SGO1: variants seen among roughly 807,000 people sequenced by gnomAD.
SGO1 encodes serologically defined breast cancer antigen NY-BR-85.
SGO1 carries 39 observed loss-of-function variants against 50.5 expected under a neutral mutation model. The observed-to-expected ratio is 0.77, with a 90% CI of 0.60 to 1.01. The LOEUF is 1.01. Among genes scored for constraint, SGO1 ranks in the 50% least tolerant of loss-of-function variants. SGO1 has a pLI of 0.00. For missense variants in SGO1, 638 were observed against 606.0 expected, an observed-to-expected ratio of 1.05 and a Z score of -0.55; for synonymous variants, 191 against 205.1, an observed-to-expected ratio of 0.93 and a Z score of 0.59.
downstream of SGO1, among the ~76,000 whole-genome samples, chr3:20,168,249 A>G (rs898624500): frequency 6.6e-6 from 1 of 152,174 alleles, no homozygotes; most frequent in Non-Finnish European, 1.5e-5. Context: ...ATGATCTTTA[A>G]GGCAAAAGTA....
At chr3:20,162,594 C>T (rs1418518271) in intron 8 of SGO1, among the ~76,000 whole-genome samples, 1 of 151,818 alleles carries the variant, frequency 6.6e-6, no homozygotes, top group Non-Finnish European at 1.5e-5. Flanking sequence ...ATATACAAGG[C>T]AGGAAAGTAT....
chr3:20,175,017 C>G lies in SGO1; in HGVS notation c.514G>C (p.Asp172His), dbSNP rs769229657. 4 of 1,588,530 alleles carry G rather than the reference C, an allele frequency of 2.5e-6. No individual in the cohort carries two copies. The African/African-American group carries it at 5.4e-5, about 21-fold the overall frequency. ...GACTTAGCTTCACCTGAATCAAAAT[C>G]AACTCCCAGTGTGTCTTGAGGAATA... Reference protein sequence around the residue: ...PTIPQDTLGVDFDSGEAKSTD... With the variant: ...PTIPQDTLGVHFDSGEAKSTD... Residue 172 changes from aspartate (D) to histidine (H), a missense_variant, in exon 6 of 8, where the codon GAT becomes CAT. Physicochemically the swap from Asp to His is moderately conservative, Grantham distance 81. Transcript: ENST00000412997.
downstream of SGO1, among the ~76,000 whole-genome samples, chr3:20,165,065 T>G (rs2125231198): frequency 6.6e-6 from 1 of 152,328 alleles, no homozygotes; most frequent in African/African-American, 2.4e-5. Flanking sequence ...GCTGGATAAT[T>G]TATAAAGAAA....
rs1429900847 is a variant in SGO1, at chr3:20,185,961, T to A, written c.-21A>T. On this transcript the variant is annotated 5_prime_UTR_variant, in exon 1 of 8. Transcript: ENST00000412997. ...CTTGTTTCGCACCTTAAAACCTACT[T>A]CTTCCTCTTTCAGGGACTCCAGGAA... The A allele has an allele frequency of 6.6e-6, 1 of 152,164 alleles. No homozygotes were observed. Among genetic ancestry groups the A allele is most frequent in the Non-Finnish European group, 1.5e-5 (1 of 68,052 alleles). 9.4% of individuals were successfully genotyped at this position (152,164 alleles called of 1,614,324 possible). A position where few individuals can be genotyped will look rare whatever the true frequency, so the allele number is the denominator to read the frequency against.
Position 20,183,802 on chromosome 3 carries a change from T to G in SGO1, c.145A>C (p.Asn49His). 6.2e-7 allele frequency: 1 copy of G among 1,602,912 alleles called. No homozygotes were observed. The highest frequency in any genetic ancestry group is 8.5e-7 in the Non-Finnish European group (1 of 1,177,432). ...FIAAPCQIITNTSTLLKNYQD... is the reference protein window; with the variant it reads ...FIAAPCQIITHTSTLLKNYQD... The stretch of plus-strand genomic sequence containing the variant: ...TAATTTTTCAGCAGTGTAGAAGTGT[T>G]GGCTAAAAGAGGATAAAAAAATTTA... Residue 49 changes from asparagine (N) to histidine (H), a missense_variant and splice_region_variant, in exon 3 of 8, where the codon AAC becomes CAC. Coordinates refer to ENST00000412997, the MANE Select transcript of SGO1 (RefSeq NM_001199251.3).
exon 9 of SGO1, chr3:20,161,134 T>C (rs770256032): frequency 3.1e-6 from 5 of 1,613,772 alleles, no homozygotes; most frequent in Non-Finnish European, 3.4e-6. Context: ...GTTTCAAGTT[T>C]ACATTTCCTA....
In SGO1 at chr3:20,178,307, T is replaced by C. The variant is rs747430476; in HGVS notation, c.380A>G (p.Asp127Gly). ...CACAAATAAATTTCTGGAGCTGTCA[T>C]CACTATTGGGGTCCATTCCAGAGGA... is the stretch of plus-strand genomic sequence containing the variant. ...ICSSGMDPNS[D>G]DSSRNLFVKD... Residue 127 changes from aspartate (D) to glycine (G), a missense_variant, in exon 4 of 8, where the codon GAT becomes GGT. By Grantham distance (94) the Asp-to-Gly change is moderately conservative. Transcript: ENST00000412997. 1.9e-6 allele frequency: 3 copies of C among 1,613,048 alleles called. No homozygotes were observed. Among genetic ancestry groups the C allele is most frequent in the African/African-American group, 1.3e-5 (1 of 75,030 alleles).
rs142175624 is a variant in SGO1, at chr3:20,182,996, C to T, written c.339+612G>A. On this transcript the variant is annotated intron_variant, in intron 3 of 7. Transcript: ENST00000412997. ...TCGCGCCACTGCACTCTAGCCTGGG[C>T]GACTGAGGGAGACGCCGTCTCAAAA... Among the ~76,000 whole-genome samples the T allele has an allele frequency of 9.6e-3, 1,455 of 151,312 alleles. 28 individuals are homozygous for T. Among genetic ancestry groups the T allele is most frequent in the African/African-American group, 0.034 (1,380 of 41,166 alleles).
chr3:20,177,855 G>A (rs997356243), intron 4 of SGO1, among the ~76,000 whole-genome samples: 5 of 150,434 alleles, frequency 3.3e-5, no homozygotes, highest in Non-Finnish European at 5.9e-5. Flanking sequence ...GAGACAATGG[G>A]ACAACTGTGT....
intron 4 of SGO1, among the ~76,000 whole-genome samples, chr3:20,177,805 A>T (rs1462374324): frequency 1.3e-5 from 2 of 152,192 alleles, no homozygotes; most frequent in Non-Finnish European, 1.5e-5. Context: ...AGAGAAGGGG[A>T]GGAGGGTATA....
chr3:20,165,570 T>A, downstream of SGO1, among the ~76,000 whole-genome samples: 1 of 151,936 alleles, frequency 6.6e-6, no homozygotes, highest in East Asian at 1.9e-4. Flanking sequence ...GTACAAAATT[T>A]CCCCATGAAA....
exon 9 of SGO1, chr3:20,160,959 A>C: frequency 8.2e-7 from 1 of 1,212,828 alleles, no homozygotes; most frequent in East Asian, 2.6e-5. Flanking sequence ...CTTAGATTTT[A>C]TTATGTATGT....
intron 3 of SGO1, among the ~76,000 whole-genome samples, chr3:20,182,606 T>C (rs1313126504): frequency 6.6e-6 from 1 of 152,194 alleles, no homozygotes; most frequent in African/African-American, 2.4e-5. Flanking sequence ...TGATACACAA[T>C]GGTATAGCCA....
chr3:20,161,651 G>T (rs2125215067), intron 8 of SGO1, among the ~76,000 whole-genome samples: 1 of 152,276 alleles, frequency 6.6e-6, no homozygotes, highest in South Asian at 2.1e-4. Flanking sequence ...ATCTAGCACA[G>T]TTGTTCCTGA....
intron 6 of SGO1, 70 bp from the exon 7 acceptor site, chr3:20,171,302 T>C (rs1700719756): frequency 2.1e-5 from 27 of 1,295,886 alleles, no homozygotes; most frequent in South Asian, 4.6e-5. Flanking sequence ...TTGTACTCAA[T>C]TGTATATATC....
chr3:20,174,571 A>G lies in SGO1; in HGVS notation c.960T>C (p.Val320=). 1.2e-6 allele frequency: 2 copies of G among 1,604,086 alleles called. No homozygotes were observed. Among genetic ancestry groups the G allele is most frequent in the South Asian group, 1.1e-5 (1 of 87,776 alleles). Residue 320 remains valine, a synonymous_variant, in exon 6 of 8, where the codon GTT becomes GTC. Transcript: ENST00000412997. The part of the protein sequence containing the change: ...KENKSENKKT[V]PQKKMHKSVS... ...CAGATTTGTGCATTTTTTTTTGGGG[A>G]ACAGTTTTTTTATTTTCGCTTTTAT...
rs572780063 is a variant in SGO1 at position 20,170,883 on chromosome 3, A to G, written c.1473-68T>C. On this transcript the variant is annotated intron_variant, in intron 7 of 7. Coordinates refer to ENST00000412997, the MANE Select transcript of SGO1 (RefSeq NM_001199251.3). ...CAATATTAACTTACTCTTCCCTACC[A>G]AGTTATGGTAAAACACACCAATTTT... The G allele has an allele frequency of 2.3e-5, 36 of 1,534,880 alleles. No homozygotes were observed. In the African/African-American group the frequency reaches 4.7e-4, roughly 20 times the overall value.
At position 20,170,794 on chromosome 3, in the gene SGO1, A is replaced by G; in HGVS notation, c.1494T>C (p.Pro498=). ...AATTCAAAAAACACAAATCTGTAAAAGGGTCCCCTCTTCTCAGTTTCCTGT... is the reference window on the plus strand; with the variant it reads ...AATTCAAAAAACACAAATCTGTAAAGGGGTCCCCTCTTCTCAGTTTCCTGT... ...TLASKLRRGD[P]FTDLCFLNSP... Residue 498 remains proline (P), a synonymous_variant, in exon 8 of 8, where the codon CCT becomes CCC. Coordinates refer to ENST00000412997, the MANE Select transcript of SGO1 (RefSeq NM_001199251.3). The G allele has an allele frequency of 6.3e-7, 1 of 1,596,156 alleles. No individual in the cohort carries two copies. The highest frequency in any genetic ancestry group is 1.9e-5 in the Admixed American group (1 of 53,820).
intron 3 of SGO1, among the ~76,000 whole-genome samples, chr3:20,182,096 G>GA (rs1054200860): frequency 3.4e-5 from 5 of 147,886 alleles, no homozygotes; most frequent in African/African-American, 7.5e-5. Context: ...AAAAAAAAAA[G>GA]AAAAAAAAAC....
Sources: allele counts gnomAD v4.1 joint callset (sites outside exome capture counted in the v4.1 genomes callset), GRCh38; gene constraint gnomAD v4.1.1; transcripts MANE v1.5; gene names NCBI Gene and HGNC (gene_info 2026-07-23, HGNC 2026-07-21).